DTX2: variants seen among roughly 807,000 people sequenced by gnomAD.
DTX2 encodes the protein deltex E3 ubiquitin ligase 2.
In DTX2, 29 loss-of-function variants were observed where a neutral mutation model predicts 55.3. The ratio of observed to expected loss-of-function variants is 0.52; its 90% confidence interval spans 0.39 to 0.71. DTX2 has a LOEUF of 0.71. DTX2 is among the 30% of genes least tolerant of loss of function. DTX2 has a pLI of 0.00. For synonymous variants in DTX2, 276 were observed against 340.4 expected (o/e 0.81, Z 2.08); for missense variants, 537 against 822.5 (o/e 0.65, Z 4.25).
In DTX2 at chr7:76,495,787, G is replaced by A. The variant is rs116423476; in HGVS notation, c.1010-1550G>A. 2.9e-3 allele frequency among the ~76,000 whole-genome samples: 448 copies of A among 152,094 alleles called. 4 individuals are homozygous for A. The highest frequency in any genetic ancestry group is 0.01 in the African/African-American group (420 of 41,478). ...AAGCAGGAGTCCAGCAGGGTGGGGC[G>A]GGAGGCTTGGAGGGACAGGCCCCGT... On this transcript the variant is annotated intron_variant, in intron 5 of 10. Coordinates refer to ENST00000430490, the MANE Select transcript of DTX2 (RefSeq NM_001102594.3).
intron 2 of DTX2, among the ~76,000 whole-genome samples, chr7:76,476,017 G>A (rs62475647): frequency 0.11 from 2,674 of 24,156 alleles, 177 homozygotes; most frequent in South Asian, 0.2. Flanking sequence ...CGATCCGCCC[G>A]CCTCGGCCTC....
At chr7:76,503,751 C>T (rs1812010249) in intron 9 of DTX2, among the ~76,000 whole-genome samples, 164 bp downstream of exon 9, 1 of 149,978 alleles carries the variant, frequency 6.7e-6, no homozygotes, top group African/African-American at 2.4e-5. Flanking sequence ...AATGGGGAGG[C>T]AGTGCCGGGG....
intron 4 of DTX2, among the ~76,000 whole-genome samples, chr7:76,484,652 G>C (rs1809709124): frequency 2.0e-5 from 3 of 152,014 alleles, no homozygotes; most frequent in Admixed American, 2.0e-4. Context: ...CTGCCTCCCT[G>C]CTCACCGGCC....
chr7:76,483,038 T>C lies in DTX2; in HGVS notation c.799T>C (p.Trp267Arg). Reference protein sequence around the residue: ...SAPRLNTTNAWGAAPPSLGSQ... With the variant: ...SAPRLNTTNARGAAPPSLGSQ... ...GCCCAGGCTGAACACCACCAACGCC[T>C]GGGGCGCAGCTCCTCCTTCCCTGGG... Residue 267 changes from tryptophan to arginine, a missense_variant, in exon 4 of 11, where the codon TGG becomes CGG. Transcript: ENST00000430490. 6.2e-7 allele frequency: 1 copy of C among 1,613,442 alleles called. No homozygotes were observed. Among genetic ancestry groups the C allele is most frequent in the Non-Finnish European group, 8.5e-7 (1 of 1,179,712 alleles).
intron 4 of DTX2, among the ~76,000 whole-genome samples, chr7:76,483,775 C>T (rs1809594751): frequency 6.6e-6 from 1 of 150,944 alleles, no homozygotes; most frequent in African/African-American, 2.4e-5. Flanking sequence ...GGAGATTGGT[C>T]AGGCACAGAG....
At position 76,482,765 on chromosome 7, in the gene DTX2, G is replaced by C; in HGVS notation, c.526G>C (p.Ala176Pro). The C allele has an allele frequency of 6.2e-7, 1 of 1,613,854 alleles. No homozygotes were observed. The highest frequency in any genetic ancestry group is 8.5e-7 in the Non-Finnish European group (1 of 1,179,826). ...CTTCTGCCGCAGCGTGCGGCGCCAA[G>C]CAGGGCCGCCTTACCCGGTGACCAC... The part of the protein sequence containing the change: ...SSFCRSVRRQ[A>P]GPPYPVTTII... The change falls in exon 4 of 11, where the codon GCA (alanine) becomes CCA (proline). Residue 176 changes from alanine to proline, a missense_variant. Physicochemically the swap from Ala to Pro is conservative, Grantham distance 27. Transcript: ENST00000430490.
Position 76,505,754 on chromosome 7 carries a change from C to T in DTX2, c.*153C>T. 1 of 768,580 alleles carries T rather than the reference C, an allele frequency of 1.3e-6. No individual in the cohort carries two copies. The highest frequency in any genetic ancestry group is 2.1e-6 in the Non-Finnish European group (1 of 477,442). The allele number at this position is 768,580 out of a possible 1,614,324, so 47.6% of individuals were successfully genotyped here. A position where few individuals can be genotyped will look rare whatever the true frequency, so the allele number is the denominator to read the frequency against. On this transcript the variant is annotated 3_prime_UTR_variant, in exon 11 of 11. Transcript: ENST00000430490. The surrounding 1 kb of genome is among the most constrained non-coding windows in gnomAD (Gnocchi z 4.4). ...TGAAGCCGGGGCTCCCCCTGCCTGC[C>T]TCTCTCTCCTCCTCCCCTCTGGGAA...
rs761375152 is a variant in DTX2, at chr7:76,500,452, A to AAGCCAG, written c.1178_1183dup (p.Pro393_Glu394dup). The AAGCCAG allele has an allele frequency of 1.3e-3, 957 of 748,448 alleles. 28 individuals carry two copies. Among genetic ancestry groups the AAGCCAG allele is most frequent in the Non-Finnish European group, 1.8e-3 (813 of 463,910 alleles). The allele number at this position is 748,448 out of a possible 1,614,324, so 46.4% of individuals were successfully genotyped here. A position where few individuals can be genotyped will look rare whatever the true frequency, so the allele number is the denominator to read the frequency against. ...CTTCTCTCTTCTAGGAGCGACCCCGAAGCCAGAGCCAGAGCCAGAGCAGGT... is the reference window on the plus strand; with the variant it reads ...CTTCTCTCTTCTAGGAGCGACCCCGAAGCCAGAGCCAGAGCCAGAGCCAGAGCAGGT... On this transcript the variant is annotated inframe_insertion, in exon 7 of 11. Coordinates refer to ENST00000430490, the MANE Select transcript of DTX2 (RefSeq NM_001102594.3).
At chr7:76,491,187 A>C (rs6465152) in intron 4 of DTX2, among the ~76,000 whole-genome samples, 1 of 150,198 alleles carries the variant, frequency 6.7e-6, no homozygotes, top group South Asian at 2.1e-4. Flanking sequence ...TAGTAGAGAC[A>C]GGATTTTGCC....
chr7:76,476,773 G>T (rs1167250764), intron 2 of DTX2, among the ~76,000 whole-genome samples: 2 of 151,586 alleles, frequency 1.3e-5, no homozygotes, highest in East Asian at 3.9e-4. Context: ...AAAGGTGGCG[G>T]GCTTGGTGTG....
chr7:76,488,729 C>A (rs1457473192), intron 4 of DTX2, among the ~76,000 whole-genome samples: 4 of 79,958 alleles, frequency 5.0e-5, no homozygotes, highest in Admixed American at 2.4e-4. Context: ...AACCCCGTCT[C>A]TACTAAAAAT....
chr7:76,480,784 C>T lies in DTX2; in HGVS notation c.268+7C>T, dbSNP rs766617296. Reference sequence around the variant, plus strand: ...CAGTTCCGCCAGGACACCGGTAAGACGCTGTCTGCCTCTCGCACATATCTG... The same window carrying T: ...CAGTTCCGCCAGGACACCGGTAAGATGCTGTCTGCCTCTCGCACATATCTG... On this transcript the variant is annotated splice_region_variant and intron_variant, in intron 3 of 10. Coordinates refer to ENST00000430490, the MANE Select transcript of DTX2 (RefSeq NM_001102594.3). The T allele has an allele frequency of 5.7e-6, 9 of 1,587,382 alleles. No homozygotes were observed. The highest frequency in any genetic ancestry group is 1.8e-4 in the Middle Eastern group (1 of 5,682).
At chr7:76,476,557 C>CCCTG (rs1351272602) in intron 2 of DTX2, among the ~76,000 whole-genome samples, 1 of 150,584 alleles carries the variant, frequency 6.6e-6, no homozygotes, top group East Asian at 2.0e-4. Context: ...TGCGTAAGTG[C>CCCTG]CCTGCGCCGT....
chr7:76,472,111 G>A (rs1033453158), intron 2 of DTX2: 2 of 151,158 alleles, frequency 1.3e-5, no homozygotes, highest in Non-Finnish European at 2.9e-5. Context: ...TACTGTCATA[G>A]GAACATGGAT....
chr7:76,475,652 A>C (rs1808470842), intron 2 of DTX2, among the ~76,000 whole-genome samples: 1 of 151,808 alleles, frequency 6.6e-6, no homozygotes, highest in African/African-American at 2.4e-5. Context: ...GCACTGCTGC[A>C]CTCCTGCCTG....
chr7:76,480,221 C>T (rs561061534), intron 2 of DTX2, among the ~76,000 whole-genome samples, 200 bp from the exon 3 acceptor site: 92 of 147,668 alleles, frequency 6.2e-4, no homozygotes, highest in Middle Eastern at 3.4e-3. Flanking sequence ...GTGAGGATTG[C>T]TTGAGACCAG....
At chr7:76,484,658 C>T (rs1311862383) in intron 4 of DTX2, among the ~76,000 whole-genome samples, 4 of 152,046 alleles carry the variant, frequency 2.6e-5, no homozygotes, top group Non-Finnish European at 2.9e-5. Flanking sequence ...CCCTGCTCAC[C>T]GGCCCACCCC....
chr7:76,495,772 C>T (rs1248967590), intron 5 of DTX2, among the ~76,000 whole-genome samples: 3 of 151,990 alleles, frequency 2.0e-5, no homozygotes, highest in Admixed American at 2.0e-4. Flanking sequence ...AAGCAGGAGT[C>T]CAGCAGGGTG....
At chr7:76,504,621 CAT>C (rs1361391685) in intron 10 of DTX2, among the ~76,000 whole-genome samples, 176 bp downstream of exon 10, 3 of 152,212 alleles carry the variant, frequency 2.0e-5, no homozygotes, top group African/African-American at 7.2e-5. Flanking sequence ...CTGGACCTCA[CAT>C]AGCCTCGAGG....
Sources: gnomAD v4.1 joint callset for allele counts (sites outside exome capture counted in the v4.1 genomes callset) on GRCh38, gnomAD v4.1.1 for gene constraint, Gnocchi (gnomAD v3.1) non-coding constraint, MANE v1.5 for transcripts, NCBI Gene and HGNC (gene_info 2026-07-23, HGNC 2026-07-21) for gene names.